CMSS1: variants seen among roughly 807,000 people sequenced by gnomAD.
CMSS1 encodes cms1 ribosomal small subunit homolog, also known as protein CMSS1.
In CMSS1, 33 loss-of-function variants were observed where a neutral mutation model predicts 43.5. That is an observed-to-expected ratio of 0.76 (90% CI 0.57 to 1.01). The LOEUF is 1.01. CMSS1 is among the 50% of genes least tolerant of loss of function. The pLI, the probability that CMSS1 is intolerant of heterozygous loss-of-function variation, is 0.00. For synonymous variants in CMSS1, 115 were observed against 117.2 expected, an observed-to-expected ratio of 0.98 and a Z score of 0.12; for missense variants, 313 against 326.4, an observed-to-expected ratio of 0.96 and a Z score of 0.32.
intron 1 of CMSS1, among the ~76,000 whole-genome samples, chr3:100,123,962 G>A (rs1404202281): frequency 6.6e-6 from 1 of 152,216 alleles, no homozygotes; most frequent in East Asian, 1.9e-4. Flanking sequence ...TCTGGGTAGA[G>A]AGGGAGAATT....
intron 1 of CMSS1, among the ~76,000 whole-genome samples, chr3:99,946,677 A>T (rs13317017): frequency 6.6e-6 from 1 of 152,026 alleles, no homozygotes; most frequent in Non-Finnish European, 1.5e-5. Context: ...TAATTACTTG[A>T]AGGTATTTGA....
At chr3:99,845,384 G>A (rs1192931383) in intron 1 of CMSS1, among the ~76,000 whole-genome samples, 3 of 152,156 alleles carry the variant, frequency 2.0e-5, no homozygotes, top group Admixed American at 6.5e-5. Context: ...GTTCTGAAGC[G>A]AGGACTTAGA....
At chr3:100,076,132 T>C (rs1314628975) in intron 1 of CMSS1, among the ~76,000 whole-genome samples, 1 of 152,204 alleles carries the variant, frequency 6.6e-6, no homozygotes, top group African/African-American at 2.4e-5. Flanking sequence ...AGAAATATAT[T>C]TGTTAGTTAT....
intron 1 of CMSS1, among the ~76,000 whole-genome samples, chr3:99,987,734 G>A (rs1427250968): frequency 2.0e-5 from 3 of 152,240 alleles, no homozygotes; most frequent in African/African-American, 2.4e-5. Flanking sequence ...CTTCACAGGT[G>A]CATGTAATGA....
intron 1 of CMSS1, among the ~76,000 whole-genome samples, chr3:99,996,635 C>T (rs1709691457): frequency 6.6e-6 from 1 of 152,124 alleles, no homozygotes; most frequent in African/African-American, 2.4e-5. Flanking sequence ...TTCCACATGT[C>T]TGGGGAGTCC....
intron 1 of CMSS1, among the ~76,000 whole-genome samples, chr3:100,110,865 G>A (rs544531721): frequency 1.3e-5 from 2 of 152,258 alleles, no homozygotes; most frequent in Admixed American, 6.5e-5. Flanking sequence ...GATCTGATGT[G>A]ACAATGTTTT....
At chr3:99,924,466 A>C (rs533426595) in intron 1 of CMSS1, 1 of 1,498,810 alleles carries the variant, frequency 6.7e-7, no homozygotes, top group African/African-American at 1.4e-5. Flanking sequence ...GTTGTCTTTC[A>C]CTCTTTTAGA....
intron 1 of CMSS1, among the ~76,000 whole-genome samples, chr3:99,985,312 G>A (rs1250079594): frequency 6.6e-6 from 1 of 152,086 alleles, no homozygotes; most frequent in African/African-American, 2.4e-5. Flanking sequence ...TGGGCAGATT[G>A]CATGAGCCCA....
intron 2 of CMSS1, among the ~76,000 whole-genome samples, chr3:100,153,448 G>A (rs1202706898): frequency 6.6e-6 from 1 of 152,210 alleles, no homozygotes; most frequent in Non-Finnish European, 1.5e-5. Context: ...AGACAGGGTG[G>A]CTGAAACAAC....
intron 1 of CMSS1, among the ~76,000 whole-genome samples, chr3:100,043,420 C>T (rs2065235989): frequency 6.6e-6 from 1 of 152,166 alleles, no homozygotes; most frequent in Non-Finnish European, 1.5e-5. Context: ...AGCAGCTCAG[C>T]AGTCTCTAAG....
intron 1 of CMSS1, among the ~76,000 whole-genome samples, chr3:100,003,776 A>G (rs1709909575): frequency 6.6e-6 from 1 of 152,212 alleles, no homozygotes; most frequent in Non-Finnish European, 1.5e-5. Context: ...AGTCAAGAGC[A>G]TAGACATATG....
intron 1 of CMSS1, among the ~76,000 whole-genome samples, chr3:99,933,347 G>T (rs1008761359): frequency 1.3e-5 from 2 of 152,152 alleles, no homozygotes; most frequent in African/African-American, 4.8e-5. Context: ...CCAGGGAAAG[G>T]CTCATTTATT....
At chr3:99,908,800 A>G (rs949714851) in intron 1 of CMSS1, among the ~76,000 whole-genome samples, 4 of 152,222 alleles carry the variant, frequency 2.6e-5, no homozygotes, top group African/African-American at 9.6e-5. Flanking sequence ...GTTATTTACA[A>G]GAGACCTTTC....
intron 1 of CMSS1, among the ~76,000 whole-genome samples, chr3:99,899,201 G>A (rs374481396): frequency 1.3e-5 from 2 of 152,198 alleles, no homozygotes; most frequent in Admixed American, 1.3e-4. Context: ...TCTGATGTTC[G>A]TTGATCTTTA....
intron 1 of CMSS1, chr3:99,848,301 T>C: frequency 6.2e-7 from 1 of 1,613,834 alleles, no homozygotes; most frequent in Non-Finnish European, 8.5e-7. Context: ...TTACTGTAAT[T>C]TGTGATTGTC....
chr3:100,128,395 A>G (rs998984896), intron 1 of CMSS1, among the ~76,000 whole-genome samples: 3 of 152,240 alleles, frequency 2.0e-5, no homozygotes, highest in African/African-American at 7.2e-5. Context: ...AGACACCAAA[A>G]AAATCCAATT....
At chr3:99,920,192 T>C (rs1299375124) in intron 1 of CMSS1, among the ~76,000 whole-genome samples, 1 of 152,218 alleles carries the variant, frequency 6.6e-6, no homozygotes, top group Non-Finnish European at 1.5e-5. Context: ...CAGTAACATA[T>C]ATGGATAGCA....
At chr3:100,126,233 T>G (rs1288757365) in intron 1 of CMSS1, among the ~76,000 whole-genome samples, 1 of 152,202 alleles carries the variant, frequency 6.6e-6, no homozygotes, top group Non-Finnish European at 1.5e-5. Context: ...CTTTTCATGT[T>G]TTTTTAAAAT....
intron 1 of CMSS1, among the ~76,000 whole-genome samples, chr3:99,976,409 A>G (rs73859912): frequency 0.015 from 2,245 of 152,304 alleles, 55 homozygotes; most frequent in African/African-American, 0.052. Flanking sequence ...TGTCCAAAAG[A>G]AATTCATAGA....
Sources: gnomAD v4.1 joint callset for allele counts (sites outside exome capture counted in the v4.1 genomes callset) on GRCh38, gnomAD v4.1.1 for gene constraint, MANE v1.5 for transcripts, NCBI Gene and HGNC (gene_info 2026-07-23, HGNC 2026-07-21) for gene names.